The following STK32A variants were observed in gnomAD, a reference collection of about 807,000 sequenced individuals.
STK32A encodes serine/threonine-protein kinase 32A.
A neutral mutation model predicts 53.2 loss-of-function variants in STK32A; 41 were observed. That is an observed-to-expected ratio of 0.77 (90% CI 0.60 to 1.00). The LOEUF (loss-of-function observed/expected upper bound fraction) is 1.00. Among genes scored for constraint, STK32A ranks in the 50% least tolerant of loss-of-function variants. The pLI, the probability that STK32A is intolerant of heterozygous loss-of-function variation, is 0.00. For missense variants in STK32A, 458 were observed against 485.8 expected, an observed-to-expected ratio of 0.94 and a Z score of 0.54; for synonymous variants, 166 against 162.8, an observed-to-expected ratio of 1.02 and a Z score of -0.15.
intron 2 of STK32A, among the ~76,000 whole-genome samples, chr5:147,272,724 T>G (rs1014138337): frequency 1.3e-5 from 2 of 152,156 alleles, no homozygotes; most frequent in Admixed American, 6.5e-5. Flanking sequence ...TTAAAAAAAT[T>G]TGTAATTTTT....
Position 147,373,174 on chromosome 5 carries a change from C to T in STK32A, c.783C>T (p.Leu261=), listed in dbSNP as rs764323680. 6.2e-6 allele frequency: 10 copies of T among 1,613,022 alleles called. No individual in the cohort carries two copies. The highest frequency in any genetic ancestry group is 1.7e-4 in the Middle Eastern group (1 of 6,052). Residue 261 remains leucine (L), a synonymous_variant, in exon 10 of 13, where the codon CTC becomes CTT. Transcript: ENST00000397936. ...QEMVSLLKKL[L]EPNPDQRFSQ... Reference sequence around the variant, plus strand: ...TGTTTGCATTTTATTGGCAGCTACTCGAACCTAATCCAGACCAACGATTTT... The same window carrying T: ...TGTTTGCATTTTATTGGCAGCTACTTGAACCTAATCCAGACCAACGATTTT...
At chr5:147,259,176 T>G (rs1257154281) in intron 2 of STK32A, among the ~76,000 whole-genome samples, 1 of 152,230 alleles carries the variant, frequency 6.6e-6, no homozygotes, top group Non-Finnish European at 1.5e-5. Flanking sequence ...AATCATCTTT[T>G]TCTAACAGAA....
chr5:147,357,082 A>T (rs1168291813), intron 7 of STK32A, among the ~76,000 whole-genome samples: 3 of 152,158 alleles, frequency 2.0e-5, no homozygotes, highest in African/African-American at 7.2e-5. Context: ...CCATTCTAAA[A>T]TGTATTTATT....
At chr5:147,239,476 T>G in intron 1 of STK32A, 63 bp from the exon 2 acceptor site, 3 of 590,820 alleles carry the variant, frequency 5.1e-6, no homozygotes, top group Non-Finnish European at 9.0e-6. Context: ...TCCGCCACAG[T>G]CTATACTCAG....
intron 8 of STK32A, among the ~76,000 whole-genome samples, chr5:147,367,433 A>G (rs1312376682): frequency 1.3e-5 from 2 of 152,188 alleles, no homozygotes; most frequent in African/African-American, 4.8e-5. Flanking sequence ...TGAAGAGACC[A>G]CCAAACAGGC....
At chr5:147,396,045 A>G in the STK32A span, among the ~76,000 whole-genome samples, 1 of 152,096 alleles carries the variant, frequency 6.6e-6, no homozygotes, top group African/African-American at 2.4e-5. Flanking sequence ...CAGAGAAGCC[A>G]GCAAAGAGAA....
At chr5:147,272,292 G>A (rs1474426729) in intron 2 of STK32A, among the ~76,000 whole-genome samples, 1 of 152,080 alleles carries the variant, frequency 6.6e-6, no homozygotes, top group Admixed American at 6.6e-5. Context: ...GGCCAGGGTG[G>A]TCTCAAACTC....
chr5:147,246,325 A>G (rs1288221418), intron 2 of STK32A, among the ~76,000 whole-genome samples: 1 of 152,154 alleles, frequency 6.6e-6, no homozygotes, highest in Non-Finnish European at 1.5e-5. Flanking sequence ...CAGAAAACAG[A>G]CCACAAACAC....
chr5:147,383,401 C>T (rs765247331), intron 11 of STK32A, 40 bp from the exon 12 acceptor site: 24 of 1,524,702 alleles, frequency 1.6e-5, no homozygotes, highest in Non-Finnish European at 1.1e-5. Flanking sequence ...CATTTGTCTG[C>T]TAACTATACC....
the STK32A span, among the ~76,000 whole-genome samples, chr5:147,398,656 C>T: frequency 6.6e-6 from 1 of 152,186 alleles, no homozygotes; most frequent in East Asian, 1.9e-4. Flanking sequence ...CCTATTCTTT[C>T]CCTTTCCAGG....
chr5:147,272,142 C>A (rs1755065853), intron 2 of STK32A, among the ~76,000 whole-genome samples: 1 of 152,118 alleles, frequency 6.6e-6, no homozygotes, highest in African/African-American at 2.4e-5. Flanking sequence ...TAGAAAAGAA[C>A]CTACGTGACT....
At chr5:147,360,036 A>G (rs1756424348) in intron 7 of STK32A, among the ~76,000 whole-genome samples, 1 of 152,178 alleles carries the variant, frequency 6.6e-6, no homozygotes, top group Admixed American at 6.5e-5. Flanking sequence ...AACTAGGTCA[A>G]TTATTATGAA....
the STK32A span, among the ~76,000 whole-genome samples, chr5:147,396,128 T>C: frequency 6.6e-6 from 1 of 151,816 alleles, no homozygotes; most frequent in Admixed American, 6.6e-5. Context: ...AGCAGAGGGA[T>C]AGGAAGGGTA....
chr5:147,348,525 T>G (rs1013848954), intron 6 of STK32A, among the ~76,000 whole-genome samples: 2 of 152,182 alleles, frequency 1.3e-5, no homozygotes, highest in Non-Finnish European at 2.9e-5. Flanking sequence ...ATCTGGGCAC[T>G]ACATTGTAGG....
At chr5:147,397,589 G>A in the STK32A span, 1 of 1,469,802 alleles carries the variant, frequency 6.8e-7, no homozygotes, top group South Asian at 1.3e-5. Context: ...ACAGTGCCCT[G>A]TGTTCATGGT....
chr5:147,399,052 C>A, the STK32A span: 3 of 1,608,454 alleles, frequency 1.9e-6, no homozygotes, highest in Non-Finnish European at 2.5e-6. Flanking sequence ...ATTCTCCATT[C>A]TACTCCACTC....
chr5:147,393,114 A>G, the STK32A span: 1 of 152,338 alleles, frequency 6.6e-6, no homozygotes, highest in East Asian at 1.9e-4. Context: ...CAAAGACAGA[A>G]GAGTGAGAGG....
At chr5:147,361,711 G>T in intron 8 of STK32A, 97 bp downstream of exon 8, 1 of 917,764 alleles carries the variant, frequency 1.1e-6, no homozygotes. Context: ...CAGTTCACTT[G>T]AAAGCTGAAA....
At chr5:147,314,900 G>A (rs968687034) in intron 4 of STK32A, among the ~76,000 whole-genome samples, 10 of 151,708 alleles carry the variant, frequency 6.6e-5, no homozygotes, top group Non-Finnish European at 1.0e-4. Flanking sequence ...ATGTGCCACC[G>A]CACCAGACAA....
Sources: gnomAD v4.1 joint callset for allele counts (sites outside exome capture counted in the v4.1 genomes callset) on GRCh38, gnomAD v4.1.1 for gene constraint, MANE v1.5 for transcripts, NCBI Gene and HGNC (gene_info 2026-07-23, HGNC 2026-07-21) for gene names.